WNK3: variants seen among roughly 807,000 people sequenced by gnomAD.
The protein encoded by WNK3 is WNK lysine deficient protein kinase 3.
WNK3 carries 18 observed loss-of-function variants against 116.7 expected under a neutral mutation model. That is an observed-to-expected ratio of 0.15 (90% CI 0.11 to 0.23). The LOEUF (loss-of-function observed/expected upper bound fraction) is 0.23, where lower values mean the gene tolerates loss of function less well. Among genes scored for constraint, WNK3 ranks in the 10% least tolerant of loss-of-function variants. WNK3 has a pLI of 1.00. For missense variants in WNK3, 993 were observed against 1,323.8 expected, an observed-to-expected ratio of 0.75 and a Z score of 3.88; for synonymous variants, 404 against 469.4, an observed-to-expected ratio of 0.86 and a Z score of 1.80.
intron 22 of WNK3, among the ~76,000 whole-genome samples, chrX:54,219,669 C>CA (rs34431672): frequency 0.083 from 1,254 of 15,133 alleles, 85 homozygotes; most frequent in Middle Eastern, 0.14. Flanking sequence ...CTCCATCTCC[C>CA]AAAAAAAAAA....
rs143105507 is a variant in WNK3, at chrX:54,226,320, A to T, written c.4870+2394T>A. Among the ~76,000 whole-genome samples, 902 of 106,147 alleles carry T rather than the reference A, an allele frequency of 8.5e-3. 12 individuals carry two copies. The highest frequency in any genetic ancestry group is 0.03 in the African/African-American group (884 of 29,279). 92.2% of individuals were successfully genotyped at this position (106,147 alleles called of 115,157 possible). A position where few individuals can be genotyped will look rare whatever the true frequency, so the allele number is the denominator to read the frequency against. On this transcript the variant is annotated intron_variant, in intron 22 of 23. Coordinates refer to ENST00000354646, the Ensembl canonical transcript of WNK3. ...CCCTGTCTCTACTAAAAATATAAAA[A>T]TTAGCCAGGCGTGATGGCATGCACC...
At chrX:54,308,197 C>CTT (rs1259738150) in intron 4 of WNK3, 118 bp from the exon 5 acceptor site, 159 of 525,223 alleles carry the variant, frequency 3.0e-4, no homozygotes, top group Middle Eastern at 4.5e-4. Flanking sequence ...AAGCAAATTT[C>CTT]TTTTTTTTTT....
chrX:54,340,998 T>C (rs1375496352), intron 1 of WNK3, among the ~76,000 whole-genome samples: 1 of 112,206 alleles, frequency 8.9e-6, no homozygotes, highest in Non-Finnish European at 1.9e-5. Flanking sequence ...CAAAAACTTG[T>C]ACAAGTGTTC....
chrX:54,280,254 G>A (rs1216367880), intron 10 of WNK3, among the ~76,000 whole-genome samples: 1 of 108,891 alleles, frequency 9.2e-6, no homozygotes, highest in Non-Finnish European at 1.9e-5. Flanking sequence ...CCAAGATTGT[G>A]CCACTGCACT....
intron 7 of WNK3, among the ~76,000 whole-genome samples, chrX:54,295,847 C>T (rs1259817887): frequency 4.5e-5 from 5 of 110,877 alleles, no homozygotes; most frequent in African/African-American, 1.6e-4. Flanking sequence ...ACCACCACAC[C>T]TGGCTAATTT....
chrX:54,276,698 T>C (rs1347060615), intron 10 of WNK3, among the ~76,000 whole-genome samples: 4 of 108,002 alleles, frequency 3.7e-5, no homozygotes, highest in African/African-American at 1.3e-4. Flanking sequence ...AGAAGAAACA[T>C]CTGAAAAAGG....
At chrX:54,299,807 T>A (rs1322999005) in intron 6 of WNK3, among the ~76,000 whole-genome samples, 1 of 111,326 alleles carries the variant, frequency 9.0e-6, no homozygotes, top group Non-Finnish European at 1.9e-5. Flanking sequence ...ATTTTTACTG[T>A]AAAATTTTTA....
chrX:54,289,982 G>A (rs1043003489), intron 10 of WNK3, among the ~76,000 whole-genome samples: 1 of 112,123 alleles, frequency 8.9e-6, no homozygotes, highest in African/African-American at 3.2e-5. Context: ...ACTGCAGAAA[G>A]GATTGGTTGT....
chrX:54,237,761 T>C (rs2067979602), intron 19 of WNK3, among the ~76,000 whole-genome samples: 1 of 111,507 alleles, frequency 9.0e-6, no homozygotes, highest in African/African-American at 3.3e-5. Context: ...CTAAAGGACG[T>C]GAAATTACAT....
chrX:54,264,240 C>T (rs1190126853), intron 10 of WNK3, among the ~76,000 whole-genome samples: 1 of 108,202 alleles, frequency 9.2e-6, no homozygotes, highest in Non-Finnish European at 1.9e-5. Flanking sequence ...GGCTGAGGCA[C>T]GGGAATTGTT....
At chrX:54,294,077 G>T (rs921248336) in intron 8 of WNK3, among the ~76,000 whole-genome samples, 1 of 110,615 alleles carries the variant, frequency 9.0e-6, no homozygotes, top group Non-Finnish European at 1.9e-5. Context: ...GCTACTCAGG[G>T]GGCTGAGGTG....
chrX:54,251,642 C>G (rs145358981), exon 14 of WNK3: 349 of 1,209,371 alleles, frequency 2.9e-4, no homozygotes, highest in Non-Finnish European at 3.2e-4. Context: ...CTCAATTCTT[C>G]TACAAATTTT....
chrX:54,216,410 G>T (rs1366934286), intron 22 of WNK3, among the ~76,000 whole-genome samples: 3 of 109,158 alleles, frequency 2.7e-5, no homozygotes, highest in Admixed American at 1.0e-4. Context: ...GAGCATAGTG[G>T]GATGGAGAGT....
rs201608660 is a variant in WNK3 at position 54,256,257 on chromosome X, CTTGT to C, written c.2103-374_2103-371del. Among the ~76,000 whole-genome samples the C allele has an allele frequency of 9.5e-3, 1,059 of 111,743 alleles. 10 individuals carry two copies. The highest frequency in any genetic ancestry group is 0.032 in the African/African-American group (987 of 30,788). Reference sequence around the variant, plus strand: ...ATAGGGTGCTCTTGATCAGTTTTATCTTGTTTGTTTGGTTACTTTATTAATATCT... The same window carrying C: ...ATAGGGTGCTCTTGATCAGTTTTATCTTGTTTGGTTACTTTATTAATATCT... On this transcript the variant is annotated intron_variant, in intron 11 of 23. Transcript: ENST00000354646.
At chrX:54,249,219 G>C in exon 17 of WNK3, 2 of 1,211,820 alleles carry the variant, frequency 1.7e-6, no homozygotes, top group Non-Finnish European at 2.2e-6. Flanking sequence ...GTACTGATAA[G>C]GTTTGAGGCT....
At position 54,222,912 on chromosome X, in the gene WNK3, AAT is replaced by A. The variant is rs4047317; in HGVS notation, c.4870+5800_4870+5801del. ...AGTATAGTATAATAATAATAATAAT[AAT>A]AATATATATATATATATATATATAT... On this transcript the variant is annotated intron_variant, in intron 22 of 23. Coordinates refer to ENST00000354646, the Ensembl canonical transcript of WNK3. 8.5e-3 allele frequency among the ~76,000 whole-genome samples: 721 copies of A among 85,120 alleles called. 6 individuals are homozygous for A. The highest frequency in any genetic ancestry group is 0.036 in the African/African-American group (687 of 19,296). The allele number at this position is 85,120 out of a possible 115,157, so 73.9% of individuals were successfully genotyped here.
At chrX:54,324,744 A>G (rs1009642970) in intron 2 of WNK3, among the ~76,000 whole-genome samples, 2 of 112,575 alleles carry the variant, frequency 1.8e-5, no homozygotes. Context: ...ACACGGCTAA[A>G]CAGAATCCAG....
In WNK3 at chrX:54,346,279, C is replaced by CAAA. The variant is rs150788845; in HGVS notation, c.-120+11404_-120+11406dup. Among the ~76,000 whole-genome samples the CAAA allele has an allele frequency of 3.1e-3, 95 of 30,282 alleles. 1 individual carries two copies. Among genetic ancestry groups the CAAA allele is most frequent in the South Asian group, 9.0e-3 (2 of 223 alleles). The allele number at this position is 30,282 out of a possible 115,157, so 26.3% of individuals were successfully genotyped here. On this transcript the variant is annotated intron_variant, in intron 1 of 23. Coordinates refer to ENST00000354646, the Ensembl canonical transcript of WNK3. ...TGGAATTCAAAATTAGCTGATCAGC[C>CAAA]AAAAAAAAAAAAAAAAAAAAAAAAG...
intron 17 of WNK3, among the ~76,000 whole-genome samples, chrX:54,242,789 G>T (rs1557151875): frequency 9.0e-6 from 1 of 111,238 alleles, no homozygotes; most frequent in East Asian, 2.8e-4. Context: ...ATATATCAAA[G>T]ACGTAATTAT....
Sources: gnomAD v4.1 joint callset for allele counts (sites outside exome capture counted in the v4.1 genomes callset) on GRCh38, gnomAD v4.1.1 for gene constraint, MANE v1.5 for transcripts, NCBI Gene and HGNC (gene_info 2026-07-23, HGNC 2026-07-21) for gene names.